The following UBASH3A variants were observed in gnomAD, a reference collection of about 807,000 sequenced individuals.
UBASH3A encodes ubiquitin associated and SH3 domain containing A.
UBASH3A carries 63 observed loss-of-function variants against 73.5 expected under a neutral mutation model. The observed-to-expected ratio is 0.86, with a 90% confidence interval of 0.70 to 1.06. UBASH3A has a LOEUF of 1.06. UBASH3A is among the 50% of genes least tolerant of loss of function. The pLI is 0.00. For synonymous variants in UBASH3A, 363 were observed against 351.1 expected, an observed-to-expected ratio of 1.03 and a Z score of -0.38; for missense variants, 860 against 859.0, an observed-to-expected ratio of 1.00 and a Z score of -0.02.
In UBASH3A at chr21:42,409,533, A is replaced by G. The variant is rs146318519; in HGVS notation, c.279A>G (p.Arg93=). 3.5e-5 allele frequency: 56 copies of G among 1,613,922 alleles called. No homozygotes were observed. Among genetic ancestry groups the G allele is most frequent in the Non-Finnish European group, 4.6e-5 (54 of 1,179,990 alleles). The change falls in exon 3 of 15, where the codon AGA becomes AGG. Residue 93 remains arginine, a synonymous_variant. Transcript: ENST00000319294. ...TGGAAAAACTTCAAGAGTTCTGGAG[A>G]GAGAGCAAGCGCCAGTGTGCAAAGA... ...PLLEKLQEFW[R]ESKRQCAKNR... is the part of the protein sequence containing the mutation.
intron 14 of UBASH3A, among the ~76,000 whole-genome samples, chr21:42,446,053 TGGG>T (rs2053838816): frequency 6.6e-6 from 1 of 152,104 alleles, no homozygotes; most frequent in Admixed American, 6.5e-5. Flanking sequence ...CAGGCGCTCC[TGGG>T]GGCCCACGTA....
chr21:42,444,489 C>T (rs1435963544), intron 13 of UBASH3A, 45 bp from the exon 14 acceptor site: 1 of 1,447,596 alleles, frequency 6.9e-7, no homozygotes, highest in African/African-American at 1.4e-5. Flanking sequence ...ATAAAAGGTG[C>T]TCTCTGGGGC....
intron 8 of UBASH3A, among the ~76,000 whole-genome samples, chr21:42,427,803 G>C (rs2053464024): frequency 6.6e-6 from 1 of 152,130 alleles, no homozygotes; most frequent in South Asian, 2.1e-4. Flanking sequence ...CTGGTGCCTG[G>C]TCCATAAATC....
At position 42,409,587 on chromosome 21, in the gene UBASH3A, G is replaced by C; in HGVS notation, c.333G>C (p.Val111=). 6.2e-7 allele frequency: 1 copy of C among 1,611,380 alleles called. No homozygotes were observed. The highest frequency in any genetic ancestry group is 8.5e-7 in the Non-Finnish European group (1 of 1,178,986). ...GAGCTCATGAGGTCTTCCCACACGT[G>C]ACACTCTGTGACTTCTTCACGGTGA... The part of the protein sequence containing the change: ...KNRAHEVFPH[V]TLCDFFTCED... Residue 111 remains valine, a synonymous_variant, in exon 3 of 15, where the codon GTG becomes GTC. Transcript: ENST00000319294.
chr21:42,442,372 G>A, intron 11 of UBASH3A, 80 bp from the exon 12 acceptor site: 1 of 1,428,908 alleles, frequency 7.0e-7, no homozygotes, highest in South Asian at 1.2e-5. Flanking sequence ...GTGACGGTCT[G>A]AGATCTAAAA....
At chr21:42,415,938 C>G (rs887192876) in intron 5 of UBASH3A, among the ~76,000 whole-genome samples, 3 of 152,200 alleles carry the variant, frequency 2.0e-5, no homozygotes, top group Non-Finnish European at 4.4e-5. Flanking sequence ...GCTAGGGCCA[C>G]AGGGGCAGAG....
chr21:42,442,702 C>T (rs984725710), intron 12 of UBASH3A, 106 bp downstream of exon 12: 20 of 1,256,342 alleles, frequency 1.6e-5, no homozygotes, highest in Middle Eastern at 2.1e-4. Context: ...TCAAGAGGGA[C>T]CACTGCAGTG....
chr21:42,432,100 C>G lies in UBASH3A; in HGVS notation c.1171-3C>G, dbSNP rs193214449. 8,699 of 1,608,044 alleles carry G rather than the reference C, an allele frequency of 5.4e-3. 35 individuals are homozygous for G. The highest frequency in any genetic ancestry group is 9.4e-3 in the Middle Eastern group (57 of 6,042). On this transcript the variant is annotated splice_region_variant and splice_polypyrimidine_tract_variant and intron_variant, in intron 8 of 14. Coordinates refer to ENST00000319294, the MANE Select transcript of UBASH3A (RefSeq NM_018961.4). The stretch of plus-strand genomic sequence containing the variant: ...GTGCCTTGCTTCCTGCCCCACCCCC[C>G]AGGCTACCGTTGCAAGGAAGAGCGT...
At chr21:42,415,703 C>G (rs1473526163) in intron 5 of UBASH3A, among the ~76,000 whole-genome samples, 4 of 152,226 alleles carry the variant, frequency 2.6e-5, no homozygotes, top group Admixed American at 2.6e-4. Context: ...AGAAATTGGG[C>G]AGGCCCAGAG....
intron 7 of UBASH3A, among the ~76,000 whole-genome samples, chr21:42,420,396 ATCTTTTG>A (rs1402584813): frequency 1.3e-5 from 2 of 152,250 alleles, no homozygotes; most frequent in Non-Finnish European, 1.5e-5. Flanking sequence ...TAATTGATTA[ATCTTTTG>A]AATATTTTTG....
At position 42,442,615 on chromosome 21, in the gene UBASH3A, C is replaced by T. The variant is rs190606972; in HGVS notation, c.1631+19C>T. 4.0e-4 allele frequency: 640 copies of T among 1,587,480 alleles called. 5 individuals are homozygous for T. In the African/African-American group the frequency reaches 7.6e-3, roughly 19 times the overall value. Reference sequence around the variant, plus strand: ...ATTACAGGTATGCTGTTCTAAAGTTCTCTGCCACTGGGGCTTTTCCAGTTA... The same window carrying T: ...ATTACAGGTATGCTGTTCTAAAGTTTTCTGCCACTGGGGCTTTTCCAGTTA... On this transcript the variant is annotated intron_variant, in intron 12 of 14. Coordinates refer to ENST00000319294, the MANE Select transcript of UBASH3A (RefSeq NM_018961.4).
At chr21:42,430,654 G>T (rs896991641) in intron 8 of UBASH3A, among the ~76,000 whole-genome samples, 2 of 152,182 alleles carry the variant, frequency 1.3e-5, no homozygotes, top group African/African-American at 4.8e-5. Flanking sequence ...TCCCGTGGCA[G>T]GCCGTGTTCG....
At chr21:42,426,603 G>C in intron 7 of UBASH3A, 94 bp from the exon 8 acceptor site, 1 of 1,458,300 alleles carries the variant, frequency 6.9e-7, no homozygotes, top group Non-Finnish European at 9.3e-7. Context: ...GGTTGTCCCG[G>C]ACATTCTCAA....
intron 8 of UBASH3A, among the ~76,000 whole-genome samples, chr21:42,428,652 C>T (rs11911936): frequency 0.032 from 4,821 of 151,966 alleles, 86 homozygotes; most frequent in Non-Finnish European, 0.04. Context: ...TTCACAGTGA[C>T]ATCTAAAATA....
Position 42,413,405 on chromosome 21 carries a change from C to G in UBASH3A, c.554-5C>G, listed in dbSNP as rs781767970. 6.2e-6 allele frequency: 10 copies of G among 1,610,608 alleles called. No homozygotes were observed. In the East Asian group the frequency reaches 2.2e-4, roughly 36 times the overall value. On this transcript the variant is annotated splice_region_variant and splice_polypyrimidine_tract_variant and intron_variant, in intron 4 of 14. Coordinates refer to ENST00000319294, the MANE Select transcript of UBASH3A (RefSeq NM_018961.4). The surrounding 1 kb of genome is among the most constrained non-coding windows in gnomAD (Gnocchi z 4.5). ...GGCTCAGTGGCTGCACCTGTCCTCA[C>G]CCAGGCACTTCCGTTTCCCGCTTCT...
chr21:42,435,724 G>A (rs899510155), intron 10 of UBASH3A, among the ~76,000 whole-genome samples: 1 of 151,648 alleles, frequency 6.6e-6, no homozygotes, highest in African/African-American at 2.4e-5. Context: ...TATAGAGTTA[G>A]TTATAGAGTT....
intron 8 of UBASH3A, among the ~76,000 whole-genome samples, chr21:42,429,971 C>G (rs2053500321): frequency 6.6e-6 from 1 of 152,168 alleles, no homozygotes; most frequent in African/African-American, 2.4e-5. Flanking sequence ...CCACCGAGAA[C>G]TGTCTGGTCC....
At chr21:42,438,121 A>G (rs1013157473) in intron 11 of UBASH3A, among the ~76,000 whole-genome samples, 2 of 152,020 alleles carry the variant, frequency 1.3e-5, no homozygotes, top group African/African-American at 4.8e-5. Flanking sequence ...TTCAGCCTGA[A>G]CCCTGTCCTG....
At chr21:42,416,988 C>T (rs926096523) in intron 6 of UBASH3A, among the ~76,000 whole-genome samples, 2 of 152,034 alleles carry the variant, frequency 1.3e-5, no homozygotes, top group Admixed American at 6.6e-5. Context: ...CCCCTGGAGC[C>T]CTCCAAGGGA....
Sources: gnomAD v4.1 joint callset for allele counts (sites outside exome capture counted in the v4.1 genomes callset) on GRCh38, gnomAD v4.1.1 for gene constraint, Gnocchi (gnomAD v3.1) non-coding constraint, MANE v1.5 for transcripts, NCBI Gene and HGNC (gene_info 2026-07-23, HGNC 2026-07-21) for gene names.